Variants in CNOT4 observed in about 807,000 individuals in gnomAD.
CNOT4 encodes the protein CCR4-associated factor 4.
In CNOT4, 8 loss-of-function variants were observed where a neutral mutation model predicts 73.8. That is an observed-to-expected ratio of 0.11 (90% CI 0.06 to 0.20). CNOT4 has a LOEUF of 0.20. CNOT4 is among the 10% of genes least tolerant of loss of function. CNOT4 has a pLI of 1.00. For synonymous variants in CNOT4, 293 were observed against 321.1 expected (o/e 0.91, Z 0.94); for missense variants, 564 against 883.4 (o/e 0.64, Z 4.58).
At chr7:135,494,065 CA>C (rs34917518) in intron 1 of CNOT4, among the ~76,000 whole-genome samples, 40,142 of 119,504 alleles carry the variant, frequency 0.34, 5,623 homozygotes, top group East Asian at 0.54. Context: ...AAACCTGTAC[CA>C]AAAAAAAAAA....
chr7:135,461,903 GTCTT>G (rs1216391132), intron 1 of CNOT4, among the ~76,000 whole-genome samples: 7 of 151,930 alleles, frequency 4.6e-5, no homozygotes, highest in Admixed American at 1.3e-4. Context: ...AAAATTAACT[GTCTT>G]TTTTTTACCA....
At chr7:135,484,979 T>C (rs1386382910) in intron 1 of CNOT4, among the ~76,000 whole-genome samples, 1 of 152,188 alleles carries the variant, frequency 6.6e-6, no homozygotes, top group African/African-American at 2.4e-5. Flanking sequence ...ACTATGTTCA[T>C]TGACGGGAAA....
chr7:135,443,256 G>T (rs1019005611), intron 1 of CNOT4, among the ~76,000 whole-genome samples: 4 of 151,660 alleles, frequency 2.6e-5, no homozygotes, highest in Non-Finnish European at 4.4e-5. Flanking sequence ...TTGGGAGGCT[G>T]GGGTGGGAAG....
Position 135,475,097 on chromosome 7 carries a change from G to T in CNOT4, c.-93+34792C>A, listed in dbSNP as rs78065333. Among the ~76,000 whole-genome samples, 344 of 152,226 alleles carry T rather than the reference G, an allele frequency of 2.3e-3. 13 individuals are homozygous for T. The East Asian group carries it at 0.055, about 24-fold the overall frequency. On this transcript the variant is annotated intron_variant, in intron 1 of 11. Coordinates refer to ENST00000541284, the MANE Select transcript of CNOT4 (RefSeq NM_001190850.2). ...CAAATTGCCATCCTGTACTCCAAAG[G>T]TGTTATCTGTATGACAGAACAATAA...
chr7:135,398,300 G>GAA (rs71531848), intron 7 of CNOT4, 74 bp from the exon 8 acceptor site: 3,833 of 648,992 alleles, frequency 5.9e-3, no homozygotes, highest in East Asian at 0.02. Context: ...CTCCTCAAAA[G>GAA]AAAAAAAAAA....
intron 10 of CNOT4, among the ~76,000 whole-genome samples, chr7:135,365,654 A>AT (rs1377793746): frequency 1.3e-5 from 2 of 152,184 alleles, no homozygotes; most frequent in African/African-American, 2.4e-5. Context: ...CAGACTATTA[A>AT]TTTTTTAAAG....
intron 1 of CNOT4, among the ~76,000 whole-genome samples, chr7:135,478,810 C>T (rs908472635): frequency 2.6e-5 from 4 of 151,986 alleles, no homozygotes; most frequent in African/African-American, 9.7e-5. Context: ...GTCAAAAACA[C>T]CAAAAAATAA....
At chr7:135,485,993 A>T (rs1398350475) in intron 1 of CNOT4, among the ~76,000 whole-genome samples, 1 of 152,210 alleles carries the variant, frequency 6.6e-6, no homozygotes, top group African/African-American at 2.4e-5. Flanking sequence ...GGATGAAAAG[A>T]CAAGTTAAAA....
intron 10 of CNOT4, among the ~76,000 whole-genome samples, chr7:135,381,772 G>A (rs979101506): frequency 1.3e-4 from 20 of 152,080 alleles, no homozygotes; most frequent in African/African-American, 4.6e-4. Context: ...TTAATTGAAC[G>A]TTATGTGAAT....
rs576784857 is a variant in CNOT4, at chr7:135,391,939, T to C, written c.1627+1979A>G. On this transcript the variant is annotated intron_variant, in intron 10 of 11. Transcript: ENST00000541284. ...ACCAAGTCCATGCCATTTTGCCTCA[T>C]TGTCAGAGTTTCTCATCTTCTCATC... 2.6e-5 allele frequency among the ~76,000 whole-genome samples: 4 copies of C among 152,102 alleles called. No homozygotes were observed. In the East Asian group the frequency reaches 5.8e-4, roughly 22 times the overall value.
chr7:135,445,475 T>C (rs1799769900), intron 1 of CNOT4, among the ~76,000 whole-genome samples: 1 of 152,158 alleles, frequency 6.6e-6, no homozygotes, highest in African/African-American at 2.4e-5. Flanking sequence ...CATTATAAAT[T>C]TCTAAATCCT....
intron 1 of CNOT4, among the ~76,000 whole-genome samples, chr7:135,499,494 AC>A (rs1360973138): frequency 1.2e-4 from 18 of 152,122 alleles, no homozygotes; most frequent in South Asian, 2.1e-4. Context: ...TAAAAAAAAA[AC>A]ATAAACTATT....
intron 10 of CNOT4, among the ~76,000 whole-genome samples, chr7:135,377,110 T>C (rs1795563561): frequency 6.6e-6 from 1 of 152,232 alleles, no homozygotes; most frequent in African/African-American, 2.4e-5. Flanking sequence ...AAAATAAATG[T>C]CTGTTTTTTA....
Position 135,363,054 on chromosome 7 carries a change from G to T in CNOT4, c.1973C>A (p.Ala658Asp), listed in dbSNP as rs1342895806. ...SAAPSQTHHS[A>D]PFSTQIPLHR... ...CAGCGGGATCTGTGTGCTGAAGGGG[G>T]CGCTGTGGTGGGTCTGTGATGGAGC... Residue 658 changes from alanine (A) to aspartate (D), a missense_variant, in exon 12 of 12, where the codon GCC becomes GAC. By Grantham distance (126) the Ala-to-Asp change is moderately radical. This residue lies in a region of CNOT4 where 88 missense variants were observed against 94.7 expected (regional missense o/e 0.93). Coordinates refer to ENST00000541284, the MANE Select transcript of CNOT4 (RefSeq NM_001190850.2). This position sits in a 1 kb window ranked among gnomAD's most constrained non-coding sequence, Gnocchi z 4.3. The T allele has an allele frequency of 3.1e-6, 5 of 1,613,812 alleles. No homozygotes were observed. The highest frequency in any genetic ancestry group is 4.2e-6 in the Non-Finnish European group (5 of 1,179,960).
Position 135,426,289 on chromosome 7 carries a change from G to T in CNOT4, c.175-3936C>A, listed in dbSNP as rs1365070271. On this transcript the variant is annotated intron_variant, in intron 2 of 11. Coordinates refer to ENST00000541284, the MANE Select transcript of CNOT4 (RefSeq NM_001190850.2). ...GAGACTCACAAAGCTAATATTACTA[G>T]CACTAAAAATGGATATAAAGAAAAA... is the stretch of plus-strand genomic sequence containing the variant. Among the ~76,000 whole-genome samples the T allele has an allele frequency of 2.0e-5, 3 of 152,002 alleles. No homozygotes were observed. The South Asian group carries it at 6.2e-4, about 32-fold the overall frequency.
rs1430082886 is a variant in CNOT4, at chr7:135,393,922, TACAGGG to T, written c.1617_1622del (p.Pro540_Val541del). Reference sequence around the variant, plus strand: ...AAAGGTTTTAAATGAACCTACCTGCTACAGGGATCCCTCCCAGACCTGTGTTGTGCT... The same window carrying T: ...AAAGGTTTTAAATGAACCTACCTGCTATCCCTCCCAGACCTGTGTTGTGCT... On this transcript the variant is annotated inframe_deletion, in exon 10 of 12. Transcript: ENST00000541284. The T allele has an allele frequency of 9.4e-6, 15 of 1,601,770 alleles. No homozygotes were observed. The highest frequency in any genetic ancestry group is 1.3e-5 in the Non-Finnish European group (15 of 1,173,300).
At chr7:135,447,225 C>G (rs1799888115) in intron 1 of CNOT4, among the ~76,000 whole-genome samples, 2 of 152,166 alleles carry the variant, frequency 1.3e-5, no homozygotes, top group Admixed American at 1.3e-4. Flanking sequence ...TTTACATAAA[C>G]TACACGAAGA....
At chr7:135,460,420 A>T (rs886073968) in intron 1 of CNOT4, among the ~76,000 whole-genome samples, 4 of 152,218 alleles carry the variant, frequency 2.6e-5, no homozygotes, top group African/African-American at 9.6e-5. Flanking sequence ...TCATTTGAAC[A>T]CTTAGAAAAT....
chr7:135,410,477 A>T, intron 7 of CNOT4, 38 bp downstream of exon 7: 1 of 1,299,530 alleles, frequency 7.7e-7, no homozygotes, highest in Non-Finnish European at 1.0e-6. Flanking sequence ...TCAACTGATA[A>T]GAAGGTAAGA....
Sources: allele counts gnomAD v4.1 joint callset (sites outside exome capture counted in the v4.1 genomes callset), GRCh38; gene constraint gnomAD v4.1.1; regional missense constraint gnomAD v4.1.1; non-coding constraint Gnocchi (gnomAD v3.1); transcripts MANE v1.5; gene names NCBI Gene and HGNC (gene_info 2026-07-23, HGNC 2026-07-21).